STAU2: variants seen among roughly 807,000 people sequenced by gnomAD.
The protein encoded by STAU2 is staufen double-stranded RNA binding protein 2, also known as double-stranded RNA-binding protein Staufen homolog 2.
In STAU2, 20 loss-of-function variants were observed where a neutral mutation model predicts 65.9. The ratio of observed to expected loss-of-function variants is 0.30; its 90% CI spans 0.21 to 0.44. The LOEUF is 0.44. Ranked by LOEUF, STAU2 falls within the 20% of genes least tolerant of loss-of-function variation. The pLI, the probability that STAU2 is intolerant of heterozygous loss-of-function variation, is 1.00. For synonymous variants in STAU2, 232 were observed against 233.9 expected, an observed-to-expected ratio of 0.99 and a Z score of 0.07; for missense variants, 558 against 683.9, an observed-to-expected ratio of 0.82 and a Z score of 2.05.
At chr8:73,647,780 A>G (rs575816833) in intron 6 of STAU2, among the ~76,000 whole-genome samples, 11 of 151,860 alleles carry the variant, frequency 7.2e-5, no homozygotes, top group Admixed American at 4.6e-4. Flanking sequence ...GGATCTCACT[A>G]TGTTGCCCAG....
intron 13 of STAU2, among the ~76,000 whole-genome samples, chr8:73,544,915 G>A (rs77510824): frequency 0.025 from 3,748 of 152,206 alleles, 169 homozygotes; most frequent in African/African-American, 0.084. Context: ...TTGCCTGTCA[G>A]TCTCCAACTT....
chr8:73,695,955 T>C (rs981211216), intron 4 of STAU2, among the ~76,000 whole-genome samples: 6 of 152,128 alleles, frequency 3.9e-5, no homozygotes, highest in African/African-American at 1.4e-4. Context: ...CCCGCCACCC[T>C]GAAGGGAAGG....
intron 11 of STAU2, among the ~76,000 whole-genome samples, chr8:73,594,536 T>A (rs1017409331): frequency 2.6e-5 from 4 of 152,198 alleles, no homozygotes; most frequent in Non-Finnish European, 5.9e-5. Context: ...AAATGATACT[T>A]AATACAAAAT....
In STAU2 at chr8:73,560,786, C is replaced by A. The variant is rs1395033381; in HGVS notation, c.1223-8467G>T. 3.3e-5 allele frequency among the ~76,000 whole-genome samples: 5 copies of A among 151,996 alleles called. No homozygotes were observed. The South Asian group carries it at 1.0e-3, about 31-fold the overall frequency. ...CACCAATAATGAACAGAAATAACAG[C>A]AATAAAGGTTTTTCAAAAATGTTTT... On this transcript the variant is annotated intron_variant, in intron 12 of 14. Coordinates refer to ENST00000524300, the MANE Select transcript of STAU2 (RefSeq NM_001164380.2).
At chr8:73,722,996 T>C (rs1202246045) in intron 3 of STAU2, among the ~76,000 whole-genome samples, 5 of 152,134 alleles carry the variant, frequency 3.3e-5, no homozygotes, top group Non-Finnish European at 7.4e-5. Flanking sequence ...CCAATTTTTC[T>C]AGTTCAGGGT....
intron 10 of STAU2, 128 bp from the exon 11 acceptor site, chr8:73,595,425 G>A: frequency 1.3e-6 from 1 of 792,974 alleles, no homozygotes; most frequent in South Asian, 2.7e-5. Flanking sequence ...AAGTAAAAAT[G>A]GCAACTAAGA....
intron 13 of STAU2, among the ~76,000 whole-genome samples, chr8:73,526,674 T>C (rs1805478397): frequency 1.3e-5 from 2 of 152,206 alleles, no homozygotes; most frequent in African/African-American, 4.8e-5. Context: ...CATGTATGTC[T>C]ACTTACTCTG....
At chr8:73,695,264 T>C (rs947011390) in intron 4 of STAU2, among the ~76,000 whole-genome samples, 4 of 152,162 alleles carry the variant, frequency 2.6e-5, no homozygotes, top group Admixed American at 2.0e-4. Flanking sequence ...GCATTTTGGA[T>C]ATCAGCTAAG....
intron 12 of STAU2, among the ~76,000 whole-genome samples, chr8:73,570,184 A>G (rs1483353029): frequency 6.6e-6 from 1 of 152,234 alleles, no homozygotes; most frequent in East Asian, 1.9e-4. Context: ...AAGCTTCAGT[A>G]CTGATTTGAT....
At chr8:73,723,248 A>T (rs1245586098) in intron 3 of STAU2, among the ~76,000 whole-genome samples, 2 of 152,252 alleles carry the variant, frequency 1.3e-5, no homozygotes, top group African/African-American at 4.8e-5. Context: ...CCATGCAGAC[A>T]TGGGAAGAAC....
chr8:73,483,389 T>G (rs1383691915), intron 13 of STAU2, among the ~76,000 whole-genome samples: 2 of 152,160 alleles, frequency 1.3e-5, no homozygotes, highest in African/African-American at 4.8e-5. Flanking sequence ...AATATGTGAT[T>G]TATATGTGAC....
intron 1 of STAU2, among the ~76,000 whole-genome samples, chr8:73,745,995 C>A (rs979370189): frequency 4.6e-5 from 7 of 151,820 alleles, no homozygotes; most frequent in Admixed American, 2.0e-4. Context: ...TCTCACACAG[C>A]GGATTCCGTA....
chr8:73,654,066 T>C (rs533187150), intron 6 of STAU2, among the ~76,000 whole-genome samples: 3 of 152,276 alleles, frequency 2.0e-5, no homozygotes, highest in Non-Finnish European at 4.4e-5. Flanking sequence ...AAATGAAATA[T>C]TTTAATTTTA....
At chr8:73,541,252 C>CA (rs138662028) in intron 13 of STAU2, among the ~76,000 whole-genome samples, 16,453 of 151,724 alleles carry the variant, frequency 0.11, 1,605 homozygotes, top group African/African-American at 0.24. Flanking sequence ...GAAGAAAAGG[C>CA]AAAAAAAGTG....
At chr8:73,635,952 C>CACACACACA (rs1586165974) in intron 6 of STAU2, among the ~76,000 whole-genome samples, 1,155 of 80,220 alleles carry the variant, frequency 0.014, 24 homozygotes, top group African/African-American at 0.038. Flanking sequence ...ACACACACAC[C>CACACACACA]CCTGGAACCA....
chr8:73,491,592 T>G (rs1192718127), intron 13 of STAU2, among the ~76,000 whole-genome samples: 1 of 152,010 alleles, frequency 6.6e-6, no homozygotes, highest in Admixed American at 6.6e-5. Context: ...TGTGTACTTT[T>G]GCTTTTTTTA....
At chr8:73,610,186 G>A (rs1331402979) in intron 9 of STAU2, among the ~76,000 whole-genome samples, 1 of 150,186 alleles carries the variant, frequency 6.7e-6, no homozygotes, top group Non-Finnish European at 1.5e-5. Context: ...GAGGTGGGAG[G>A]ATCACTCGAG....
At chr8:73,524,941 G>T (rs1320109911) in intron 13 of STAU2, among the ~76,000 whole-genome samples, 1 of 152,184 alleles carries the variant, frequency 6.6e-6, no homozygotes, top group Non-Finnish European at 1.5e-5. Context: ...AGGTTGGGGA[G>T]AGGGTAACGG....
intron 3 of STAU2, among the ~76,000 whole-genome samples, chr8:73,714,162 C>T (rs1454952238): frequency 3.9e-5 from 6 of 152,170 alleles, no homozygotes; most frequent in Admixed American, 1.3e-4. Context: ...CTCAGCCTCC[C>T]GAAGTGGTGG....
Sources: allele counts gnomAD v4.1 joint callset (sites outside exome capture counted in the v4.1 genomes callset), GRCh38; gene constraint gnomAD v4.1.1; transcripts MANE v1.5; gene names NCBI Gene and HGNC (gene_info 2026-07-23, HGNC 2026-07-21).